NCK1: variants seen among roughly 807,000 people sequenced by gnomAD.
NCK1 encodes NCK adaptor protein 1.
In NCK1, 19 loss-of-function variants were observed where a neutral mutation model predicts 36.6. The ratio of observed to expected loss-of-function variants is 0.52; its 90% confidence interval spans 0.36 to 0.76. The LOEUF is 0.76. Ranked by LOEUF, NCK1 falls within the 30% of genes least tolerant of loss-of-function variation. The probability of loss-of-function intolerance (pLI) is 0.00; values close to 1 mark genes in which losing one functional copy is unlikely to be tolerated. For synonymous variants in NCK1, 165 were observed against 156.0 expected (o/e 1.06, Z -0.43); for missense variants, 358 against 445.6 (o/e 0.80, Z 1.77).
chr3:136,895,711 C>T (rs767404296), intron 1 of NCK1, among the ~76,000 whole-genome samples: 4 of 151,866 alleles, frequency 2.6e-5, no homozygotes, highest in Non-Finnish European at 4.4e-5. Context: ...ATTACAGGTG[C>T]GTACCACCAC....
intron 1 of NCK1, among the ~76,000 whole-genome samples, chr3:136,897,797 A>G (rs1353097342): frequency 6.6e-6 from 1 of 152,152 alleles, no homozygotes; most frequent in Non-Finnish European, 1.5e-5. Flanking sequence ...TACATTTTTA[A>G]TGGTTAATAT....
intron 1 of NCK1, among the ~76,000 whole-genome samples, chr3:136,869,422 G>A (rs1938543320): frequency 6.6e-6 from 1 of 152,016 alleles, no homozygotes; most frequent in Admixed American, 6.6e-5. Context: ...GCGAATGCCT[G>A]TAATCTCAGC....
At chr3:136,881,577 T>A (rs1938936864) in intron 1 of NCK1, among the ~76,000 whole-genome samples, 1 of 152,178 alleles carries the variant, frequency 6.6e-6, no homozygotes. Flanking sequence ...CCATTTTAAG[T>A]ATACAGTTCA....
chr3:136,925,550 CT>C (rs1197211178), intron 1 of NCK1, among the ~76,000 whole-genome samples: 6 of 152,154 alleles, frequency 3.9e-5, no homozygotes, highest in Non-Finnish European at 8.8e-5. Flanking sequence ...ACCCTGGCAA[CT>C]ACTAATCTGT....
intron 2 of NCK1, among the ~76,000 whole-genome samples, chr3:136,942,155 A>G (rs1489775884): frequency 3.9e-5 from 6 of 152,092 alleles, no homozygotes; most frequent in Non-Finnish European, 5.9e-5. Flanking sequence ...AGCATTTCTT[A>G]GCACAGGTCT....
At chr3:136,885,331 C>T (rs1183817737) in intron 1 of NCK1, among the ~76,000 whole-genome samples, 1 of 152,020 alleles carries the variant, frequency 6.6e-6, no homozygotes, top group Non-Finnish European at 1.5e-5. Context: ...TTGTCTTTTC[C>T]AGCTGTAATC....
intron 1 of NCK1, among the ~76,000 whole-genome samples, chr3:136,908,917 G>A (rs963901932): frequency 6.6e-6 from 1 of 152,128 alleles, no homozygotes; most frequent in Non-Finnish European, 1.5e-5. Flanking sequence ...GTGTTGGGAG[G>A]TGGGGCATAA....
rs1221730094 is a variant in NCK1 at position 136,945,845 on chromosome 3, A to C, written c.489A>C (p.Glu163Asp). The change falls in exon 3 of 4, where the codon GAA becomes GAC. Residue 163 changes from glutamate (E) to aspartate (D), a missense_variant. Glu to Asp is a conservative substitution (Grantham distance 45). Coordinates refer to ENST00000481752, the MANE Select transcript of NCK1 (RefSeq NM_001291999.2). Reference protein sequence around the residue: ...GWFPSNYVTEEGDSPLGDHVG... With the variant: ...GWFPSNYVTEDGDSPLGDHVG... ...TCCCTTCAAACTATGTAACTGAAGA[A>C]GGTGACAGTCCTTTGGGTGACCATG... The C allele has an allele frequency of 2.5e-6, 4 of 1,614,044 alleles. No homozygotes were observed. Among genetic ancestry groups the C allele is most frequent in the Non-Finnish European group, 3.4e-6 (4 of 1,180,028 alleles).
intron 1 of NCK1, among the ~76,000 whole-genome samples, chr3:136,883,032 C>T (rs1364984263): frequency 6.6e-6 from 1 of 152,164 alleles, no homozygotes; most frequent in Non-Finnish European, 1.5e-5. Flanking sequence ...AATTCTTGTG[C>T]CTCAGCCTCC....
intron 1 of NCK1, among the ~76,000 whole-genome samples, chr3:136,900,778 T>G (rs1939521038): frequency 6.6e-6 from 1 of 152,340 alleles, no homozygotes; most frequent in South Asian, 2.1e-4. Context: ...CCTGCAACTT[T>G]ACTGAATTTA....
At chr3:136,916,275 G>A (rs868284985) in intron 1 of NCK1, among the ~76,000 whole-genome samples, 4 of 152,178 alleles carry the variant, frequency 2.6e-5, no homozygotes, top group Non-Finnish European at 2.9e-5. Flanking sequence ...GAAGGCATGA[G>A]GGGGAATTGG....
At chr3:136,900,468 C>G (rs1939513400) in intron 1 of NCK1, among the ~76,000 whole-genome samples, 2 of 152,112 alleles carry the variant, frequency 1.3e-5, no homozygotes, top group African/African-American at 4.8e-5. Context: ...TGAAAAAAGA[C>G]ATTGGTATTT....
chr3:136,929,231 C>T (rs985588957), intron 2 of NCK1, among the ~76,000 whole-genome samples: 4 of 152,142 alleles, frequency 2.6e-5, no homozygotes, highest in African/African-American at 9.7e-5. Flanking sequence ...CCATACCCAG[C>T]TTAGTTTTTA....
At chr3:136,867,202 CCCTT>C (rs368795229) in intron 1 of NCK1, among the ~76,000 whole-genome samples, 67,165 of 103,124 alleles carry the variant, frequency 0.65, 23,837 homozygotes, top group East Asian at 0.87. Context: ...TCTTTCTTTT[CCCTT>C]CCTTCCTTCC....
chr3:136,928,437 A>C, intron 2 of NCK1: 1 of 554,762 alleles, frequency 1.8e-6, no homozygotes, highest in East Asian at 3.0e-5. Context: ...CCATGCTCCA[A>C]GTCAAGGCAG....
At chr3:136,870,028 G>GT (rs749807329) in intron 1 of NCK1, among the ~76,000 whole-genome samples, 5,148 of 96,842 alleles carry the variant, frequency 0.053, 215 homozygotes, top group South Asian at 0.081. Context: ...TTTCTCAAAA[G>GT]TTTTTTTTTT....
chr3:136,868,539 G>A (rs936702745), intron 1 of NCK1, among the ~76,000 whole-genome samples: 2 of 152,074 alleles, frequency 1.3e-5, no homozygotes, highest in Non-Finnish European at 2.9e-5. Context: ...TGTTGGCCAG[G>A]CTGATCTCCA....
intron 1 of NCK1, among the ~76,000 whole-genome samples, chr3:136,890,176 A>C (rs945933521): frequency 6.6e-6 from 1 of 152,196 alleles, no homozygotes; most frequent in Non-Finnish European, 1.5e-5. Context: ...CAAGAAATCG[A>C]GCGCAGCGCT....
intron 1 of NCK1, among the ~76,000 whole-genome samples, chr3:136,869,095 C>A (rs1938532598): frequency 6.6e-6 from 1 of 151,354 alleles, no homozygotes; most frequent in African/African-American, 2.4e-5. Context: ...AAAAAATGAG[C>A]CCACTGTGGT....
Sources: allele counts gnomAD v4.1 joint callset (sites outside exome capture counted in the v4.1 genomes callset), GRCh38; gene constraint gnomAD v4.1.1; transcripts MANE v1.5; gene names NCBI Gene and HGNC (gene_info 2026-07-23, HGNC 2026-07-21).